The following SEPTIN6 variants were observed in gnomAD, a reference collection of about 807,000 sequenced individuals.
SEPTIN6 encodes the protein septin-6.
Under a neutral mutation model 33.6 loss-of-function variants are expected in SEPTIN6, and 8 were observed. The observed-to-expected ratio is 0.24, with a 90% CI of 0.14 to 0.43. The LOEUF (loss-of-function observed/expected upper bound fraction) is 0.43, where lower values mean the gene tolerates loss of function less well. Among genes scored for constraint, SEPTIN6 ranks in the 20% least tolerant of loss-of-function variants. The probability of loss-of-function intolerance (pLI) is 1.00; values close to 1 mark genes in which losing one functional copy is unlikely to be tolerated. For synonymous variants in SEPTIN6, 131 were observed against 140.0 expected, an observed-to-expected ratio of 0.94 and a Z score of 0.45; for missense variants, 250 against 340.8, an observed-to-expected ratio of 0.73 and a Z score of 2.10.
intron 1 of SEPTIN6, among the ~76,000 whole-genome samples, chrX:119,685,559 TCA>T (rs1293727554): frequency 2.7e-5 from 3 of 111,598 alleles, no homozygotes; most frequent in Admixed American, 9.5e-5. Flanking sequence ...AAACAGAGAC[TCA>T]CAGAGAGGAA....
chrX:119,682,786 C>A (rs915445300), intron 1 of SEPTIN6, among the ~76,000 whole-genome samples: 17 of 111,431 alleles, frequency 1.5e-4, no homozygotes, highest in African/African-American at 5.6e-4. Flanking sequence ...GTATTTGAGG[C>A]CTCTGGGAAC....
chrX:119,687,158 G>A (rs986548404), intron 1 of SEPTIN6, among the ~76,000 whole-genome samples: 1 of 111,453 alleles, frequency 9.0e-6, no homozygotes, highest in African/African-American at 3.3e-5. Context: ...GAAGCATTTC[G>A]AGATCGTTGA....
intron 1 of SEPTIN6, among the ~76,000 whole-genome samples, chrX:119,682,709 G>A (rs1569443970): frequency 1.8e-5 from 2 of 110,161 alleles, no homozygotes; most frequent in Non-Finnish European, 3.8e-5. Context: ...TTAAGCACCC[G>A]AGTAGGCCAC....
intron 8 of SEPTIN6, among the ~76,000 whole-genome samples, chrX:119,632,249 A>G (rs1381485809): frequency 8.4e-5 from 9 of 107,058 alleles, no homozygotes; most frequent in African/African-American, 1.7e-4. Context: ...AGGCTGGAGT[A>G]CAGTGGCGCG....
At chrX:119,686,102 G>T (rs2055050275) in intron 1 of SEPTIN6, among the ~76,000 whole-genome samples, 1 of 111,976 alleles carries the variant, frequency 8.9e-6, no homozygotes, top group South Asian at 3.7e-4. Context: ...TTTTCTAGGT[G>T]TTCTGGCTAT....
At chrX:119,625,255 G>T in intron 10 of SEPTIN6, 80 bp downstream of exon 10, 1 of 648,941 alleles carries the variant, frequency 1.5e-6, no homozygotes, top group Non-Finnish European at 2.5e-6. Context: ...ACGATTAGAT[G>T]CTTGTGTTGG....
intron 10 of SEPTIN6, among the ~76,000 whole-genome samples, chrX:119,623,566 G>A (rs182807313): frequency 0.011 from 1,197 of 111,994 alleles, 18 homozygotes; most frequent in African/African-American, 0.037. Context: ...CATCGGGCGC[G>A]GTGGCTCACG....
At chrX:119,662,530 C>A (rs1031093833) in intron 3 of SEPTIN6, among the ~76,000 whole-genome samples, 3 of 111,672 alleles carry the variant, frequency 2.7e-5, no homozygotes, top group African/African-American at 9.8e-5. Context: ...AAATCTGTCT[C>A]CTCTTCCCTA....
intron 3 of SEPTIN6, among the ~76,000 whole-genome samples, chrX:119,660,488 A>G (rs1483516984): frequency 8.9e-6 from 1 of 112,109 alleles, no homozygotes; most frequent in African/African-American, 3.2e-5. Context: ...TCTTAAAACT[A>G]TAACGGAAGT....
intron 3 of SEPTIN6, among the ~76,000 whole-genome samples, chrX:119,653,661 T>C (rs2054386317): frequency 1.8e-5 from 2 of 112,674 alleles, no homozygotes; most frequent in Non-Finnish European, 3.8e-5. Flanking sequence ...CTGGGCAATC[T>C]TGTGAGAACA....
chrX:119,679,974 A>G (rs2147639840), intron 1 of SEPTIN6, among the ~76,000 whole-genome samples: 1 of 111,860 alleles, frequency 8.9e-6, no homozygotes, highest in East Asian at 2.8e-4. Context: ...TGACAGCACC[A>G]TGGAGACACA....
intron 5 of SEPTIN6, 127 bp from the exon 6 acceptor site, chrX:119,640,915 A>T (rs749347953): frequency 2.1e-6 from 1 of 477,330 alleles, no homozygotes; most frequent in East Asian, 3.6e-5. Flanking sequence ...TGTCATCATC[A>T]CCAACAAGCA....
At chrX:119,661,041 CAAAAAAAAAAAAAAA>C (rs58898121) in intron 3 of SEPTIN6, among the ~76,000 whole-genome samples, 4 of 9,533 alleles carry the variant, frequency 4.2e-4, no homozygotes, top group East Asian at 3.9e-3. Flanking sequence ...GACTCCATCT[CAAAAAAAAAAAAAAA>C]AAAAAAAAAA....
In SEPTIN6 at chrX:119,617,729, G is replaced by A. The variant is rs1569415722; in HGVS notation, c.*2364C>T. 2 of 779,918 alleles carry A rather than the reference G, an allele frequency of 2.6e-6. No homozygotes were observed. Among genetic ancestry groups the A allele is most frequent in the East Asian group, 6.9e-5 (1 of 14,471 alleles). The allele number at this position is 779,918 out of a possible 1,213,427, so 64.3% of individuals were successfully genotyped here. ...TGAAAATTAGTCTGGCTTCTGCCTC[G>A]AAACAGAAGTGGGACCTCGGTCAAG... On this transcript the variant is annotated 3_prime_UTR_variant, in exon 11 of 11. Coordinates refer to ENST00000394610, the MANE Select transcript of SEPTIN6 (RefSeq NM_145799.4).
intron 10 of SEPTIN6, among the ~76,000 whole-genome samples, chrX:119,621,924 C>A (rs1469475688): frequency 1.8e-5 from 2 of 110,658 alleles, no homozygotes; most frequent in Admixed American, 9.7e-5. Context: ...CATAAGTGAG[C>A]CACCTCGCCC....
chrX:119,659,791 C>G (rs1429148094), intron 3 of SEPTIN6, among the ~76,000 whole-genome samples: 1 of 111,879 alleles, frequency 8.9e-6, no homozygotes, highest in Non-Finnish European at 1.9e-5. Flanking sequence ...GGTCTGAGAC[C>G]AAAGCCTAGG....
chrX:119,652,772 T>A, intron 4 of SEPTIN6, 82 bp downstream of exon 4: 3 of 837,522 alleles, frequency 3.6e-6, no homozygotes, highest in Non-Finnish European at 5.1e-6. Context: ...ATGCCACAAA[T>A]CTCTCCCGGA....
intron 1 of SEPTIN6, among the ~76,000 whole-genome samples, chrX:119,680,841 C>T (rs982446912): frequency 9.2e-6 from 1 of 108,397 alleles, no homozygotes; most frequent in East Asian, 2.9e-4. Flanking sequence ...ATTGGCTGGG[C>T]GCGGTGGCAG....
Position 119,619,699 on chromosome X carries a change from GA to G in SEPTIN6, c.*393del, listed in dbSNP as rs755964149. The G allele has an allele frequency of 1.5e-5, 14 of 926,881 alleles. No individual in the cohort carries two copies. In the South Asian group the frequency reaches 5.4e-4, roughly 36 times the overall value. The allele number at this position is 926,881 out of a possible 1,213,427, so 76.4% of individuals were successfully genotyped here. Reference sequence around the variant, plus strand: ...CCATGGTGGTTGCAAATACCTCAGGGAAACTAACAGCAACCAGAACTGGAAC... The same window carrying G: ...CCATGGTGGTTGCAAATACCTCAGGGAACTAACAGCAACCAGAACTGGAAC... On this transcript the variant is annotated 3_prime_UTR_variant, in exon 11 of 11. Coordinates refer to ENST00000394610, the MANE Select transcript of SEPTIN6 (RefSeq NM_145799.4).
Sources: gnomAD v4.1 joint callset for allele counts (sites outside exome capture counted in the v4.1 genomes callset) on GRCh38, gnomAD v4.1.1 for gene constraint, MANE v1.5 for transcripts, NCBI Gene and HGNC (gene_info 2026-07-23, HGNC 2026-07-21) for gene names.